DIS3L2: variants seen among roughly 807,000 people sequenced by gnomAD.
DIS3L2 encodes DIS3 like 3'-5' exoribonuclease 2, also known as DIS3-like exonuclease 2.
Under a neutral mutation model 97.5 loss-of-function variants are expected in DIS3L2, and 34 were observed. The observed-to-expected ratio is 0.35, with a 90% CI of 0.27 to 0.46. The LOEUF is 0.46. DIS3L2 is among the 20% of genes least tolerant of loss of function. The pLI, the probability that DIS3L2 is intolerant of heterozygous loss-of-function variation, is 1.00. For missense variants in DIS3L2, 1,038 were observed against 1,146.0 expected (o/e 0.91, Z 1.36); for synonymous variants, 435 against 445.2 (o/e 0.98, Z 0.29).
intron 3 of DIS3L2, among the ~76,000 whole-genome samples, chr2:232,019,526 T>C (rs144085987): frequency 1.3e-5 from 2 of 150,148 alleles, no homozygotes; most frequent in African/African-American, 4.9e-5. Flanking sequence ...TGCTCCAGCC[T>C]GGGCAACAGA....
chr2:232,029,994 A>G lies in DIS3L2; in HGVS notation c.280A>G (p.Ile94Val), dbSNP rs776938907. 10 of 1,602,978 alleles carry G rather than the reference A, an allele frequency of 6.2e-6. No individual in the cohort carries two copies. The African/African-American group carries it at 9.5e-5, about 15-fold the overall frequency. Residue 94 changes from isoleucine (I) to valine (V), a missense_variant, in exon 5 of 21, where the codon ATT (isoleucine) becomes GTT (valine). Around this residue, in one of 3 missense-constraint regions of DIS3L2, gnomAD observed 813 missense variants for 880.1 expected, o/e 0.92. Transcript: ENST00000325385. ...TCCAACCTAGGATGGTGATCGAGACATTTTTATTGATGGGGTTGTTGCTCG... is the reference window on the plus strand; with the variant it reads ...TCCAACCTAGGATGGTGATCGAGACGTTTTTATTGATGGGGTTGTTGCTCG... ...FIPSPDGDRDIFIDGVVARNR... is the reference protein window; with the variant it reads ...FIPSPDGDRDVFIDGVVARNR...
intron 6 of DIS3L2, among the ~76,000 whole-genome samples, chr2:232,090,413 T>A (rs1696803277): frequency 6.6e-6 from 1 of 152,232 alleles, no homozygotes; most frequent in South Asian, 2.1e-4. Flanking sequence ...CAGATTTCTC[T>A]TTCCTGCTAG....
intron 6 of DIS3L2, among the ~76,000 whole-genome samples, chr2:232,094,547 G>A (rs1223284259): frequency 4.6e-5 from 7 of 151,718 alleles, no homozygotes; most frequent in South Asian, 2.1e-4. Context: ...GCAAAACCAC[G>A]TCTCTTCTAA....
chr2:232,340,403 T>C (rs1279791729), downstream of DIS3L2, among the ~76,000 whole-genome samples: 1 of 152,090 alleles, frequency 6.6e-6, no homozygotes, highest in Admixed American at 6.5e-5. Context: ...TTGCAAACAA[T>C]TCAGTAGGCA....
chr2:232,135,575 T>C (rs2106354400), intron 7 of DIS3L2, among the ~76,000 whole-genome samples: 1 of 152,198 alleles, frequency 6.6e-6, no homozygotes, highest in Admixed American at 6.5e-5. Flanking sequence ...GTAGAGCATG[T>C]TTTGGGACTG....
intron 13 of DIS3L2, among the ~76,000 whole-genome samples, chr2:232,283,190 G>A (rs567989136): frequency 6.6e-6 from 1 of 152,346 alleles, no homozygotes; most frequent in South Asian, 2.1e-4. Context: ...GTTTAGAGAT[G>A]AGGAAACTGA....
chr2:232,308,405 T>TAC (rs1322650516), intron 14 of DIS3L2, among the ~76,000 whole-genome samples: 1 of 145,752 alleles, frequency 6.9e-6, no homozygotes, highest in Non-Finnish European at 1.5e-5. Context: ...TCCTCTGCCT[T>TAC]ACTGCAGTTC....
chr2:232,145,526 A>G (rs1300720445), intron 8 of DIS3L2, among the ~76,000 whole-genome samples: 4 of 152,088 alleles, frequency 2.6e-5, no homozygotes, highest in East Asian at 1.9e-4. Flanking sequence ...TGAATTGGCA[A>G]CTCACAATTG....
intron 1 of DIS3L2, among the ~76,000 whole-genome samples, chr2:232,002,604 T>G (rs921452029): frequency 9.2e-5 from 14 of 152,246 alleles, no homozygotes; most frequent in African/African-American, 3.1e-4. Context: ...ATTGCATTTT[T>G]AGGCCATTTC....
At chr2:232,153,711 G>C (rs1246162973) in intron 8 of DIS3L2, among the ~76,000 whole-genome samples, 2 of 143,484 alleles carry the variant, frequency 1.4e-5, no homozygotes. Context: ...GTATCTTTGT[G>C]GCGTTCTCTG....
At chr2:232,234,427 G>T (rs1240229530) in intron 10 of DIS3L2, among the ~76,000 whole-genome samples, 1 of 152,194 alleles carries the variant, frequency 6.6e-6, no homozygotes, top group African/African-American at 2.4e-5. Context: ...TTGGCTCACT[G>T]CAACCTCCAC....
Position 232,329,858 on chromosome 2 carries a change from C to CA in DIS3L2, c.1787dup (p.Ile597AspfsTer24), listed in dbSNP as rs1695682618. On this transcript the variant is annotated frameshift_variant, in exon 15 of 21. Transcript: ENST00000325385. LOFTEE classifies it high-confidence loss of function. ...TCTTGGCCAACATGGCAGTGGCCCA[C>CA]AAGATCCACCGCGCCTTCCCCGAGC... 1 of 1,606,612 alleles carries CA rather than the reference C, an allele frequency of 6.2e-7. No homozygotes were observed.
At chr2:232,118,320 G>A (rs1469895134) in intron 6 of DIS3L2, among the ~76,000 whole-genome samples, 5 of 152,192 alleles carry the variant, frequency 3.3e-5, no homozygotes, top group Non-Finnish European at 7.3e-5. Context: ...GACCAAGAGG[G>A]TGGGGGATTA....
intron 8 of DIS3L2, among the ~76,000 whole-genome samples, chr2:232,147,011 T>A (rs922000784): frequency 6.6e-6 from 1 of 152,204 alleles, no homozygotes; most frequent in Non-Finnish European, 1.5e-5. Context: ...CAAAATTCTT[T>A]TTGTGAAATA....
intron 6 of DIS3L2, among the ~76,000 whole-genome samples, chr2:232,089,122 G>A (rs1047560048): frequency 6.6e-6 from 1 of 152,214 alleles, no homozygotes; most frequent in Admixed American, 6.5e-5. Flanking sequence ...AAGGATGACT[G>A]CTTTTCTCCA....
At chr2:232,294,116 A>G (rs1409817712) in intron 13 of DIS3L2, among the ~76,000 whole-genome samples, 1 of 152,200 alleles carries the variant, frequency 6.6e-6, no homozygotes, top group Admixed American at 6.5e-5. Flanking sequence ...CATGACCAGA[A>G]GCACTCAACA....
chr2:232,173,116 C>G (rs1691039861), intron 9 of DIS3L2, among the ~76,000 whole-genome samples: 1 of 152,154 alleles, frequency 6.6e-6, no homozygotes, highest in South Asian at 2.1e-4. Flanking sequence ...TTCTTAGAAG[C>G]ACAAAGTTTC....
chr2:231,993,567 A>G (rs934896584), intron 1 of DIS3L2, among the ~76,000 whole-genome samples: 3 of 152,132 alleles, frequency 2.0e-5, no homozygotes, highest in Admixed American at 6.6e-5. Context: ...GTAGTCCCCC[A>G]GTTACCTCTG....
At chr2:232,184,512 G>A (rs577657061) in intron 9 of DIS3L2, among the ~76,000 whole-genome samples, 25 of 152,178 alleles carry the variant, frequency 1.6e-4, no homozygotes, top group South Asian at 2.1e-4. Flanking sequence ...TTAGCTGGGC[G>A]TGGTGGCATG....
Sources: gnomAD v4.1 joint callset for allele counts (sites outside exome capture counted in the v4.1 genomes callset) on GRCh38, gnomAD v4.1.1 for gene constraint, gnomAD v4.1.1 regional missense constraint, MANE v1.5 for transcripts, NCBI Gene and HGNC (gene_info 2026-07-23, HGNC 2026-07-21) for gene names.